NAPG: variants seen among roughly 807,000 people sequenced by gnomAD.
The protein encoded by NAPG is NSF attachment protein gamma.
In NAPG, 25 loss-of-function variants were observed where a neutral mutation model predicts 48.4. The ratio of observed to expected loss-of-function variants is 0.52; its 90% CI spans 0.38 to 0.72. The LOEUF (loss-of-function observed/expected upper bound fraction) is 0.72. Among genes scored for constraint, NAPG ranks in the 30% least tolerant of loss-of-function variants. NAPG has a pLI of 0.00. For missense variants in NAPG, 359 were observed against 372.5 expected (o/e 0.96, Z 0.30); for synonymous variants, 139 against 127.2 (o/e 1.09, Z -0.62).
Position 10,552,185 on chromosome 18 carries a change from G to C in NAPG, c.*1965G>C, listed in dbSNP as rs922860658. 1.3e-5 allele frequency: 2 copies of C among 152,156 alleles called. No individual in the cohort carries two copies. Among genetic ancestry groups the C allele is most frequent in the African/African-American group, 4.8e-5 (2 of 41,412 alleles). 9.4% of individuals were successfully genotyped at this position (152,156 alleles called of 1,614,324 possible). A position where few individuals can be genotyped will look rare whatever the true frequency, so the allele number is the denominator to read the frequency against. On this transcript the variant is annotated 3_prime_UTR_variant, in exon 12 of 12. Transcript: ENST00000322897. ...TTTAATTTTACTCTTCTTATGTACT[G>C]AAAACTTTTTTTAAAAAAGGTGATG...
rs1395538594 is a variant in NAPG, at chr18:10,548,991, A to G, written c.690A>G (p.Glu230=). ...GCATCCCTGGGTTCAATGGCAGTGA[A>G]GACTGTGCTGCCCTGGAACAGCTTC... ...SYSIPGFNGS[E]DCAALEQLLE... The change falls in exon 11 of 12, where the codon GAA becomes GAG. Residue 230 remains glutamate (E), a synonymous_variant. Transcript: ENST00000322897. The surrounding 1 kb of genome is among the most constrained non-coding windows in gnomAD (Gnocchi z 4.4). The G allele has an allele frequency of 1.2e-6, 2 of 1,613,776 alleles. No individual in the cohort carries two copies. The highest frequency in any genetic ancestry group is 1.1e-5 in the South Asian group (1 of 91,078).
In NAPG at chr18:10,545,133, G is replaced by A. The variant is rs148915439; in HGVS notation, c.507-1193G>A. Among the ~76,000 whole-genome samples the A allele has an allele frequency of 9.5e-3, 1,453 of 152,150 alleles. 33 individuals carry two copies. Among genetic ancestry groups the A allele is most frequent in the African/African-American group, 0.033 (1,371 of 41,512 alleles). On this transcript the variant is annotated intron_variant, in intron 8 of 11. Transcript: ENST00000322897. ...TCGAGACCAGCCTGGCCAACATAGC[G>A]AAACCCCATCTCTATTAAAAATACA...
At chr18:10,527,304 AT>A (rs2031839518) in intron 1 of NAPG, among the ~76,000 whole-genome samples, 1 of 152,180 alleles carries the variant, frequency 6.6e-6, no homozygotes, top group South Asian at 2.1e-4. Flanking sequence ...AGAGATTCTA[AT>A]TTTTCGTAAG....
chr18:10,550,254 G>A lies in NAPG; in HGVS notation c.*34G>A. On this transcript the variant is annotated 3_prime_UTR_variant, in exon 12 of 12. Transcript: ENST00000322897. ...TTGCTGAAAAGAAAAGGGAAACAAA[G>A]GTAAAATCCTGACATGCCATTTCAA... is the stretch of plus-strand genomic sequence containing the variant. 6.4e-7 allele frequency: 1 copy of A among 1,558,334 alleles called. No homozygotes were observed. Among genetic ancestry groups the A allele is most frequent in the Middle Eastern group, 1.7e-4 (1 of 5,940 alleles).
rs9958815 is a variant in NAPG at position 10,546,834 on chromosome 18, A to G, written c.585+430A>G. Among the ~76,000 whole-genome samples the G allele has an allele frequency of 1.1e-4, 16 of 152,086 alleles. No individual in the cohort carries two copies. Among genetic ancestry groups the G allele is most frequent in the East Asian group, 3.8e-4 (2 of 5,200 alleles). On this transcript the variant is annotated intron_variant, in intron 9 of 11. Coordinates refer to ENST00000322897, the MANE Select transcript of NAPG (RefSeq NM_003826.3). This position sits in a 1 kb window ranked among gnomAD's most constrained non-coding sequence, Gnocchi z 4.0. ...AGAAACCCCGCCTTTCTAACCAGCAATGGGAGAAGAGGTCCCATTGTTTTC... is the reference window on the plus strand; with the variant it reads ...AGAAACCCCGCCTTTCTAACCAGCAGTGGGAGAAGAGGTCCCATTGTTTTC...
intron 1 of NAPG, 81 bp downstream of exon 1, chr18:10,526,239 C>CCTTAGCCCCCGGGGGGGGGG: frequency 2.9e-6 from 1 of 349,042 alleles, no homozygotes; most frequent in South Asian, 2.2e-5. Flanking sequence ...CCGGGGGGGG[C>CCTTAGCCCCCGGGGGGGGGG]GGGAGGGAGG....
Position 10,551,630 on chromosome 18 carries a change from C to T in NAPG, c.*1410C>T, listed in dbSNP as rs1179200934. The stretch of plus-strand genomic sequence containing the variant: ...AAAGTAATTCCTGCTCATCCATGCC[C>T]TGTCTCTGTCTCTTTTAGAGTCATA... On this transcript the variant is annotated 3_prime_UTR_variant, in exon 12 of 12. Coordinates refer to ENST00000322897, the MANE Select transcript of NAPG (RefSeq NM_003826.3). 3 of 152,148 alleles carry T rather than the reference C, an allele frequency of 2.0e-5. No individual in the cohort carries two copies. Among genetic ancestry groups the T allele is most frequent in the Non-Finnish European group, 1.5e-5 (1 of 68,038 alleles). 9.4% of individuals were successfully genotyped at this position (152,148 alleles called of 1,614,324 possible). A position where few individuals can be genotyped will look rare whatever the true frequency, so the allele number is the denominator to read the frequency against.
chr18:10,529,573 C>T (rs559582042), intron 1 of NAPG, among the ~76,000 whole-genome samples: 1 of 152,136 alleles, frequency 6.6e-6, no homozygotes, highest in Non-Finnish European at 1.5e-5. Flanking sequence ...GCCAACATGG[C>T]GAAACCTCTT....
Position 10,530,864 on chromosome 18 carries a change from C to G in NAPG, c.124+27C>G, listed in dbSNP as rs1372100431. 4.0e-6 allele frequency: 6 copies of G among 1,501,022 alleles called. No homozygotes were observed. The Admixed American group carries it at 8.9e-5, about 22-fold the overall frequency. 93.0% of individuals were successfully genotyped at this position (1,501,022 alleles called of 1,614,324 possible). A position where few individuals can be genotyped will look rare whatever the true frequency, so the allele number is the denominator to read the frequency against. On this transcript the variant is annotated intron_variant, in intron 2 of 11. Transcript: ENST00000322897. ...TATTTTTGACTATAGTCCAGTTGCT[C>G]CAGTATGTAATCTTAAAATAGTCTG... is the stretch of plus-strand genomic sequence containing the variant.
Position 10,548,984 on chromosome 18 carries a change from G to C in NAPG, c.683G>C (p.Gly228Ala), listed in dbSNP as rs1333442341. ...TACTGCAGCATCCCTGGGTTCAATG[G>C]CAGTGAAGACTGTGCTGCCCTGGAA... The part of the protein sequence containing the change: ...RESYSIPGFN[G>A]SEDCAALEQL... The change falls in exon 11 of 12, where the codon GGC (glycine) becomes GCC (alanine). Residue 228 changes from glycine to alanine, a missense_variant. Physicochemically the swap from Gly to Ala is moderately conservative, Grantham distance 60 (BLOSUM62 0). Transcript: ENST00000322897. The surrounding 1 kb of genome is among the most constrained non-coding windows in gnomAD (Gnocchi z 4.4). The C allele has an allele frequency of 1.7e-5, 28 of 1,613,650 alleles. No individual in the cohort carries two copies. The highest frequency in any genetic ancestry group is 2.3e-5 in the Non-Finnish European group (27 of 1,179,676).
chr18:10,526,240 G>A, intron 1 of NAPG, 82 bp downstream of exon 1: 3 of 796,772 alleles, frequency 3.8e-6, no homozygotes, highest in Non-Finnish European at 4.2e-6. Flanking sequence ...CGGGGGGGGC[G>A]GGAGGGAGGG....
In NAPG at chr18:10,539,057, G is replaced by GTAAATTA. The variant is rs2032092519; in HGVS notation, c.259-704_259-698dup. The GTAAATTA allele has an allele frequency of 6.6e-6, 1 of 152,316 alleles. No individual in the cohort carries two copies. Among genetic ancestry groups the GTAAATTA allele is most frequent in the South Asian group, 2.1e-4 (1 of 4,832 alleles). 9.4% of individuals were successfully genotyped at this position (152,316 alleles called of 1,614,324 possible). On this transcript the variant is annotated intron_variant, in intron 5 of 11. Coordinates refer to ENST00000322897, the MANE Select transcript of NAPG (RefSeq NM_003826.3). The surrounding 1 kb of genome is among the most constrained non-coding windows in gnomAD (Gnocchi z 4.7). Reference sequence around the variant, plus strand: ...AAGTTTTTATACTGTTGGTGGGAGTGTAAATTAGTTCAACCGTTGTGGAAG... The same window carrying GTAAATTA: ...AAGTTTTTATACTGTTGGTGGGAGTGTAAATTATAAATTAGTTCAACCGTTGTGGAAG...
rs764584635 is a variant in NAPG, at chr18:10,549,955, A to G, written c.796-122A>G. ...CAGCATTGTTGGGCTTTGTTTTTCC[A>G]TCTGAATGGTAGAATTGGTGTTCCT... On this transcript the variant is annotated intron_variant, in intron 11 of 11. Transcript: ENST00000322897. 88 of 1,044,108 alleles carry G rather than the reference A, an allele frequency of 8.4e-5. No homozygotes were observed. In the Middle Eastern group the frequency reaches 1.6e-3, roughly 19 times the overall value. 64.7% of individuals were successfully genotyped at this position (1,044,108 alleles called of 1,614,324 possible).
At chr18:10,532,374 T>C (rs2031945341) in intron 2 of NAPG, among the ~76,000 whole-genome samples, 1 of 152,212 alleles carries the variant, frequency 6.6e-6, no homozygotes, top group Non-Finnish European at 1.5e-5. Flanking sequence ...AGTAAGGTGC[T>C]GTCTTTTGTG....
At chr18:10,535,318 A>G (rs2143106473) in intron 5 of NAPG, among the ~76,000 whole-genome samples, 1 of 152,360 alleles carries the variant, frequency 6.6e-6, no homozygotes, top group South Asian at 2.1e-4. Context: ...GAATGTTAGT[A>G]ATAGCTGTTA....
In NAPG at chr18:10,551,694, C is replaced by G. The variant is rs1473082727; in HGVS notation, c.*1474C>G. The G allele has an allele frequency of 6.6e-6, 1 of 152,124 alleles. No individual in the cohort carries two copies. The highest frequency in any genetic ancestry group is 2.4e-5 in the African/African-American group (1 of 41,412). The allele number at this position is 152,124 out of a possible 1,614,324, so 9.4% of individuals were successfully genotyped here. ...TAGGTTGCTTAATTTTGCTAGACTT[C>G]CTGAAAACACTAAGGTGGAGTATCA... On this transcript the variant is annotated 3_prime_UTR_variant, in exon 12 of 12. Transcript: ENST00000322897.
intron 1 of NAPG, among the ~76,000 whole-genome samples, chr18:10,528,686 C>CT (rs2031868735): frequency 6.6e-6 from 1 of 152,038 alleles, no homozygotes. Context: ...AGGTTTCTAA[C>CT]TTGGGAGACG....
chr18:10,528,830 CAG>C (rs1056671502), intron 1 of NAPG, among the ~76,000 whole-genome samples: 11 of 152,114 alleles, frequency 7.2e-5, no homozygotes, highest in Non-Finnish European at 1.3e-4. Context: ...TGCTGCTAGA[CAG>C]AGTTACTCAG....
intron 1 of NAPG, chr18:10,526,372 A>G (rs1462700487): frequency 5.5e-6 from 3 of 543,150 alleles, no homozygotes; most frequent in African/African-American, 2.0e-5. Flanking sequence ...CCGTGGGTCC[A>G]CCCCGCCGGA....
Sources: allele counts gnomAD v4.1 joint callset (sites outside exome capture counted in the v4.1 genomes callset), GRCh38; gene constraint gnomAD v4.1.1; non-coding constraint Gnocchi (gnomAD v3.1); transcripts MANE v1.5; gene names NCBI Gene and HGNC (gene_info 2026-07-23, HGNC 2026-07-21).